CACNA1E: variants seen among roughly 807,000 people sequenced by gnomAD.
CACNA1E encodes the protein calcium voltage-gated channel subunit alpha1 E, also known as voltage-dependent R-type calcium channel subunit alpha-1E.
A neutral mutation model predicts 259.2 loss-of-function variants in CACNA1E; 40 were observed. That is an observed-to-expected ratio of 0.15 (90% CI 0.12 to 0.20). The LOEUF is 0.20. Ranked by LOEUF, CACNA1E falls within the 10% of genes least tolerant of loss-of-function variation. The pLI, the probability that CACNA1E is intolerant of heterozygous loss-of-function variation, is 1.00. For missense variants in CACNA1E, 1,874 were observed against 3,040.1 expected, an observed-to-expected ratio of 0.62 and a Z score of 9.02; for synonymous variants, 1,104 against 1,138.5, an observed-to-expected ratio of 0.97 and a Z score of 0.61.
intron 7 of CACNA1E, among the ~76,000 whole-genome samples, chr1:181,686,572 C>T (rs1650603140): frequency 6.6e-6 from 1 of 152,162 alleles, no homozygotes. Flanking sequence ...CAGGTGTGAG[C>T]CACTGCGCCT....
chr1:181,353,824 A>G (rs1395268801), intron 1 of CACNA1E, among the ~76,000 whole-genome samples: 1 of 152,236 alleles, frequency 6.6e-6, no homozygotes, highest in Non-Finnish European at 1.5e-5. Context: ...TGGCTACCAC[A>G]CTGAGGAAGG....
chr1:181,353,341 A>G (rs1313136009), intron 1 of CACNA1E, among the ~76,000 whole-genome samples: 2 of 152,208 alleles, frequency 1.3e-5, no homozygotes, highest in South Asian at 2.1e-4. Context: ...GTGATAGGCA[A>G]TCACTACAGA....
intron 47 of CACNA1E, among the ~76,000 whole-genome samples, chr1:181,797,452 C>T (rs545311976): frequency 1.5e-4 from 23 of 152,312 alleles, no homozygotes; most frequent in African/African-American, 4.3e-4. Context: ...TCAACAGAAA[C>T]GATCAGCGGA....
intron 12 of CACNA1E, 137 bp downstream of exon 12, chr1:181,718,304 G>C: frequency 1.7e-6 from 1 of 580,778 alleles, no homozygotes; most frequent in Non-Finnish European, 3.1e-6. Flanking sequence ...ATTAGCTAAA[G>C]GGAATTCAGA....
intron 16 of CACNA1E, among the ~76,000 whole-genome samples, chr1:181,723,475 G>A (rs540667592): frequency 8.5e-5 from 13 of 152,156 alleles, no homozygotes; most frequent in South Asian, 6.2e-4. Flanking sequence ...AACCAAATGC[G>A]TGGGTTTTTT....
intron 1 of CACNA1E, among the ~76,000 whole-genome samples, chr1:181,342,220 A>C (rs577303825): frequency 1.5e-3 from 224 of 152,332 alleles, no homozygotes; most frequent in Admixed American, 3.1e-3. Context: ...GTGAGGCATT[A>C]GTGCTCTGGG....
intron 3 of CACNA1E, among the ~76,000 whole-genome samples, chr1:181,549,949 C>T (rs1344376158): frequency 6.6e-6 from 1 of 152,112 alleles, no homozygotes; most frequent in African/African-American, 2.4e-5. Flanking sequence ...CATTAAGAGG[C>T]TTAAAGTGAG....
At chr1:181,363,817 G>T (rs950419282) in intron 1 of CACNA1E, among the ~76,000 whole-genome samples, 1 of 152,198 alleles carries the variant, frequency 6.6e-6, no homozygotes, top group Non-Finnish European at 1.5e-5. Context: ...CTGTGGTTTG[G>T]TGCATGGAAG....
chr1:181,481,344 A>ACT (rs1272186822), upstream of CACNA1E, among the ~76,000 whole-genome samples: 2 of 150,714 alleles, frequency 1.3e-5, no homozygotes, highest in Non-Finnish European at 3.0e-5. Context: ...CTACACACAC[A>ACT]CACACACACA....
chr1:181,681,064 C>A (rs184525176), intron 7 of CACNA1E, among the ~76,000 whole-genome samples: 1 of 152,212 alleles, frequency 6.6e-6, no homozygotes, highest in Non-Finnish European at 1.5e-5. Flanking sequence ...GTTCTACTGA[C>A]GTTTCATTAG....
chr1:181,674,223 C>CAAAAAA (rs58198967), intron 7 of CACNA1E, among the ~76,000 whole-genome samples: 1 of 88,454 alleles, frequency 1.1e-5, no homozygotes, highest in African/African-American at 3.8e-5. Context: ...ACTAAAAATA[C>CAAAAAA]AAAAAAAAAA....
At chr1:181,595,325 C>T (rs1458551107) in intron 6 of CACNA1E, among the ~76,000 whole-genome samples, 1 of 152,134 alleles carries the variant, frequency 6.6e-6, no homozygotes, top group Admixed American at 6.5e-5. Flanking sequence ...GCTGCCTTAA[C>T]AATTTGGAAG....
At chr1:181,603,724 A>G (rs1273571087) in intron 6 of CACNA1E, among the ~76,000 whole-genome samples, 1 of 152,048 alleles carries the variant, frequency 6.6e-6, no homozygotes, top group East Asian at 1.9e-4. Flanking sequence ...AGCATTTCTC[A>G]CCTTTGATCC....
chr1:181,617,024 T>A lies in CACNA1E; in HGVS notation c.952-34314T>A, dbSNP rs77084258. On this transcript the variant is annotated intron_variant, in intron 6 of 47. Transcript: ENST00000367573. ...TAGGATCTGTAGTGATGTCCTTTTT[T>A]CATTCCTGATGGTGATAATCTCTGC... Among the ~76,000 whole-genome samples, 26 of 152,342 alleles carry A rather than the reference T, an allele frequency of 1.7e-4. 1 individual carries two copies. The East Asian group carries it at 5.0e-3, about 29-fold the overall frequency.
In CACNA1E at chr1:181,726,050, C is replaced by G. The variant is rs376705486; in HGVS notation, c.2143-15C>G. The G allele has an allele frequency of 6.3e-7, 1 of 1,594,108 alleles. No individual in the cohort carries two copies. Among genetic ancestry groups the G allele is most frequent in the Non-Finnish European group, 8.6e-7 (1 of 1,164,594 alleles). On this transcript the variant is annotated splice_polypyrimidine_tract_variant and intron_variant, in intron 17 of 47. Transcript: ENST00000367573. Reference sequence around the variant, plus strand: ...CTGGGGATCCCAGGCAAAGCCATCTCTGCTTTGTGTCTAGGATGAACAGGA... The same window carrying G: ...CTGGGGATCCCAGGCAAAGCCATCTGTGCTTTGTGTCTAGGATGAACAGGA...
intron 7 of CACNA1E, among the ~76,000 whole-genome samples, chr1:181,652,741 C>T (rs573245607): frequency 9.8e-4 from 149 of 152,208 alleles, no homozygotes; most frequent in African/African-American, 3.5e-3. Flanking sequence ...AACCTCCAGG[C>T]AATGCTGACA....
intron 6 of CACNA1E, among the ~76,000 whole-genome samples, chr1:181,613,477 G>A (rs931450934): frequency 1.3e-5 from 2 of 152,168 alleles, no homozygotes; most frequent in Admixed American, 6.5e-5. Context: ...TATTTACTAT[G>A]ATTAAGCCTA....
At chr1:181,681,444 G>A (rs1298698858) in intron 7 of CACNA1E, among the ~76,000 whole-genome samples, 3 of 152,180 alleles carry the variant, frequency 2.0e-5, no homozygotes, top group African/African-American at 4.8e-5. Flanking sequence ...TCTGTGAAAT[G>A]TCTGTTGCTC....
intron 43 of CACNA1E, among the ~76,000 whole-genome samples, chr1:181,789,212 T>C (rs61813242): frequency 0.033 from 5,037 of 152,290 alleles, 161 homozygotes; most frequent in South Asian, 0.17. Flanking sequence ...TCCCAGTGGT[T>C]CTCAGGAGAT....
Sources: allele counts gnomAD v4.1 joint callset (sites outside exome capture counted in the v4.1 genomes callset), GRCh38; gene constraint gnomAD v4.1.1; transcripts MANE v1.5; gene names NCBI Gene and HGNC (gene_info 2026-07-23, HGNC 2026-07-21).